NRXN3: variants seen among roughly 807,000 people sequenced by gnomAD.
NRXN3 encodes neurexin 3.
A neutral mutation model predicts 137.6 loss-of-function variants in NRXN3; 32 were observed. That is an observed-to-expected ratio of 0.23 (90% confidence interval 0.18 to 0.31). The LOEUF (loss-of-function observed/expected upper bound fraction) is 0.31, where lower values mean the gene tolerates loss of function less well. Among genes scored for constraint, NRXN3 ranks in the 10% least tolerant of loss-of-function variants. NRXN3 has a pLI of 1.00. For synonymous variants in NRXN3, 798 were observed against 784.5 expected (o/e 1.02, Z -0.29); for missense variants, 1,574 against 2,062.5 (o/e 0.76, Z 4.59).
At chr14:79,710,389 A>G (rs936413474) in intron 19 of NRXN3, among the ~76,000 whole-genome samples, 2 of 152,206 alleles carry the variant, frequency 1.3e-5, no homozygotes, top group Admixed American at 6.5e-5. Context: ...TGTTGTATAA[A>G]CCACAGTGTC....
At chr14:78,483,373 C>T (rs1410186792) in intron 4 of NRXN3, among the ~76,000 whole-genome samples, 2 of 152,162 alleles carry the variant, frequency 1.3e-5, no homozygotes, top group Non-Finnish European at 2.9e-5. Context: ...AGTGTCACAG[C>T]TAAGGTTTTC....
chr14:78,979,460 A>G (rs891564676), intron 14 of NRXN3, among the ~76,000 whole-genome samples: 4 of 152,180 alleles, frequency 2.6e-5, no homozygotes, highest in Non-Finnish European at 4.4e-5. Context: ...ACATAAATCT[A>G]TGTATATTCA....
At chr14:79,270,396 G>A (rs1412574917) in intron 15 of NRXN3, among the ~76,000 whole-genome samples, 5 of 152,228 alleles carry the variant, frequency 3.3e-5, no homozygotes, top group South Asian at 4.1e-4. Context: ...GTCTCCTATG[G>A]GCCTAAAACT....
intron 4 of NRXN3, among the ~76,000 whole-genome samples, chr14:78,302,670 A>T (rs913930409): frequency 1.3e-5 from 2 of 152,152 alleles, no homozygotes; most frequent in Admixed American, 6.5e-5. Context: ...CTCAAAGTCA[A>T]CCTTCATGTC....
rs2098422367 is a variant in NRXN3, at chr14:78,714,384, G to A, written c.1661-372G>A. On this transcript the variant is annotated intron_variant, in intron 7 of 20. Coordinates refer to ENST00000335750, the MANE Select transcript of NRXN3 (RefSeq NM_001330195.2). ...TTACAAATGAGGAAACTGAGGCACA[G>A]GAAGGTGAAGTCACTTCTTCACGGT... 2.0e-5 allele frequency among the ~76,000 whole-genome samples: 3 copies of A among 152,238 alleles called. No homozygotes were observed. The South Asian group carries it at 6.2e-4, about 31-fold the overall frequency.
chr14:78,761,504 T>A lies in NRXN3; in HGVS notation c.2045-42116T>A, dbSNP rs531456159. Among the ~76,000 whole-genome samples the A allele has an allele frequency of 2.0e-5, 3 of 152,258 alleles. No homozygotes were observed. In the East Asian group the frequency reaches 5.8e-4, roughly 29 times the overall value. On this transcript the variant is annotated intron_variant, in intron 8 of 20. Transcript: ENST00000335750. ...AAGATATTTAGCTTGTTTAACTCAA[T>A]GACATTTTCATTCATAATGCTTTTA...
intron 1 of NRXN3, among the ~76,000 whole-genome samples, chr14:78,220,565 T>G: frequency 6.6e-6 from 1 of 151,304 alleles, no homozygotes; most frequent in Non-Finnish European, 1.5e-5. Context: ...AGATGATGAG[T>G]TTTGATGGAG....
chr14:79,113,417 C>T lies in NRXN3; in HGVS notation c.3262+125276C>T, dbSNP rs114721111. 8.7e-3 allele frequency among the ~76,000 whole-genome samples: 1,332 copies of T among 152,258 alleles called. 17 individuals carry two copies. Among genetic ancestry groups the T allele is most frequent in the African/African-American group, 0.03 (1,237 of 41,556 alleles). ...TCCAACAGCACTCCTCCATCAATTA[C>T]CCCCTCTTGACTTTTTGTGTCTTTA... On this transcript the variant is annotated intron_variant, in intron 15 of 20. Coordinates refer to ENST00000335750, the MANE Select transcript of NRXN3 (RefSeq NM_001330195.2).
At chr14:79,363,841 C>T (rs755905743) in intron 15 of NRXN3, among the ~76,000 whole-genome samples, 7 of 152,044 alleles carry the variant, frequency 4.6e-5, no homozygotes, top group Non-Finnish European at 8.8e-5. Context: ...TCTTCCTTGC[C>T]GATATTGTGA....
intron 4 of NRXN3, among the ~76,000 whole-genome samples, chr14:78,300,135 A>C (rs2076733329): frequency 6.6e-6 from 1 of 152,214 alleles, no homozygotes; most frequent in Non-Finnish European, 1.5e-5. Context: ...GCTGAATCTT[A>C]ACAATTTATT....
intron 15 of NRXN3, among the ~76,000 whole-genome samples, chr14:79,029,747 G>A (rs2099604309): frequency 6.8e-6 from 1 of 148,062 alleles, no homozygotes; most frequent in Non-Finnish European, 1.5e-5. Flanking sequence ...CCCTTGTAGA[G>A]GCCCAAAAAT....
rs529518178 is a variant in NRXN3, at chr14:79,438,632, G to A, written c.3263-28589G>A. Among the ~76,000 whole-genome samples the A allele has an allele frequency of 3.8e-4, 58 of 152,248 alleles. 1 individual carries two copies. Among genetic ancestry groups the A allele is most frequent in the African/African-American group, 1.3e-3 (52 of 41,558 alleles). Reference sequence around the variant, plus strand: ...GAGCAGCAACAACAAAGAGCTGTAAGTTTTCTGCCAGTAACTTCTAGTTTT... The same window carrying A: ...GAGCAGCAACAACAAAGAGCTGTAAATTTTCTGCCAGTAACTTCTAGTTTT... On this transcript the variant is annotated intron_variant, in intron 15 of 20. Coordinates refer to ENST00000335750, the MANE Select transcript of NRXN3 (RefSeq NM_001330195.2).
intron 15 of NRXN3, among the ~76,000 whole-genome samples, chr14:79,388,585 C>A (rs983015377): frequency 1.3e-5 from 2 of 151,988 alleles, no homozygotes; most frequent in African/African-American, 2.4e-5. Context: ...AATGACAAAG[C>A]ATGACAGGCA....
intron 10 of NRXN3, among the ~76,000 whole-genome samples, chr14:78,947,131 C>T (rs2099367031): frequency 6.6e-6 from 1 of 152,088 alleles, no homozygotes; most frequent in Non-Finnish European, 1.5e-5. Context: ...TTGCATACAC[C>T]AGATGCTAAG....
At chr14:78,951,078 A>G (rs2099386181) in intron 10 of NRXN3, among the ~76,000 whole-genome samples, 1 of 152,084 alleles carries the variant, frequency 6.6e-6, no homozygotes, top group Non-Finnish European at 1.5e-5. Context: ...TCTAAAATAC[A>G]TCCCAAATTT....
intron 4 of NRXN3, among the ~76,000 whole-genome samples, chr14:78,508,107 C>T (rs1054067910): frequency 6.6e-6 from 1 of 152,106 alleles, no homozygotes; most frequent in Non-Finnish European, 1.5e-5. Context: ...TGGGTAAATA[C>T]GAATGTCAAT....
intron 4 of NRXN3, among the ~76,000 whole-genome samples, chr14:78,317,917 T>C (rs1254563214): frequency 6.6e-6 from 1 of 152,236 alleles, no homozygotes; most frequent in Non-Finnish European, 1.5e-5. Flanking sequence ...GAGTTGGTTT[T>C]CCTCCTACAG....
At chr14:79,358,766 C>G (rs1369770391) in intron 15 of NRXN3, among the ~76,000 whole-genome samples, 2 of 152,058 alleles carry the variant, frequency 1.3e-5, no homozygotes, top group African/African-American at 4.8e-5. Context: ...AGCCCTCCCC[C>G]TATTCTCCTT....
At chr14:78,906,656 G>A (rs79279399) in intron 10 of NRXN3, among the ~76,000 whole-genome samples, 2,043 of 152,060 alleles carry the variant, frequency 0.013, 52 homozygotes, top group African/African-American at 0.047. Flanking sequence ...AGGCAAGCAA[G>A]GCCATTGCAA....
Sources: gnomAD v4.1 joint callset for allele counts (sites outside exome capture counted in the v4.1 genomes callset) on GRCh38, gnomAD v4.1.1 for gene constraint, MANE v1.5 for transcripts, NCBI Gene and HGNC (gene_info 2026-07-23, HGNC 2026-07-21) for gene names.